The following RANBP17 variants were observed in gnomAD, a reference collection of about 807,000 sequenced individuals.
The protein encoded by RANBP17 is RAN binding protein 17.
Under a neutral mutation model 141.2 loss-of-function variants are expected in RANBP17, and 158 were observed. The observed-to-expected ratio is 1.12, with a 90% confidence interval of 0.98 to 1.28. The LOEUF (loss-of-function observed/expected upper bound fraction) is 1.28, where lower values mean the gene tolerates loss of function less well. RANBP17 is among the 50% of genes most tolerant of loss of function. The pLI, the probability that RANBP17 is intolerant of heterozygous loss-of-function variation, is 0.00. For missense variants in RANBP17, 1,438 were observed against 1,290.7 expected, an observed-to-expected ratio of 1.11 and a Z score of -1.75; for synonymous variants, 430 against 450.0, an observed-to-expected ratio of 0.96 and a Z score of 0.56.
chr5:171,162,575 A>G (rs775778342), intron 14 of RANBP17, among the ~76,000 whole-genome samples: 2 of 152,134 alleles, frequency 1.3e-5, no homozygotes, highest in African/African-American at 4.8e-5. Context: ...TGGTTTTCAC[A>G]TTATACCTGT....
intron 24 of RANBP17, chr5:171,252,758 T>C (rs1207255112): frequency 4.4e-6 from 6 of 1,351,698 alleles, no homozygotes; most frequent in Non-Finnish European, 6.4e-6. Flanking sequence ...ATTTGTAGAC[T>C]TGCTTCATAT....
chr5:171,193,764 C>T (rs1761801849), intron 18 of RANBP17, among the ~76,000 whole-genome samples: 2 of 152,138 alleles, frequency 1.3e-5, no homozygotes, highest in Admixed American at 6.5e-5. Context: ...CTTCTGCTTC[C>T]CTCTTGCACT....
At chr5:171,057,629 G>A (rs983264881) in intron 14 of RANBP17, among the ~76,000 whole-genome samples, 2 of 149,362 alleles carry the variant, frequency 1.3e-5, no homozygotes, top group Non-Finnish European at 3.0e-5. Context: ...GTTCTCAACT[G>A]TGAAGAAATA....
At chr5:171,051,019 G>A (rs1410636163) in intron 14 of RANBP17, among the ~76,000 whole-genome samples, 2 of 151,990 alleles carry the variant, frequency 1.3e-5, no homozygotes, top group African/African-American at 4.8e-5. Flanking sequence ...TATCTGACTG[G>A]GTGGTTTCTG....
At chr5:170,915,871 CAT>C (rs1315958913) in intron 8 of RANBP17, among the ~76,000 whole-genome samples, 5 of 151,892 alleles carry the variant, frequency 3.3e-5, no homozygotes, top group African/African-American at 1.2e-4. Context: ...AACTAGATAT[CAT>C]AAGCAATTGA....
intron 14 of RANBP17, among the ~76,000 whole-genome samples, chr5:171,014,606 A>G (rs899371025): frequency 6.6e-6 from 1 of 151,942 alleles, no homozygotes; most frequent in Non-Finnish European, 1.5e-5. Context: ...ACCTTGTTCT[A>G]TTGTTGTCAT....
intron 14 of RANBP17, among the ~76,000 whole-genome samples, chr5:171,111,556 G>A (rs1755234107): frequency 1.3e-5 from 2 of 152,082 alleles, no homozygotes; most frequent in Admixed American, 6.6e-5. Flanking sequence ...CTTTCAGTGA[G>A]CCCCATTTCT....
chr5:170,896,256 C>G (rs572044609), intron 5 of RANBP17, 141 bp downstream of exon 5: 10 of 588,146 alleles, frequency 1.7e-5, no homozygotes, highest in South Asian at 4.7e-5. Context: ...GTGTGTGTAT[C>G]TGTTTTATTG....
At chr5:171,053,422 G>A (rs975899634) in intron 14 of RANBP17, among the ~76,000 whole-genome samples, 8 of 151,886 alleles carry the variant, frequency 5.3e-5, no homozygotes, top group African/African-American at 9.7e-5. Flanking sequence ...AATTTTCATT[G>A]TACAAATCTT....
chr5:171,050,112 T>C (rs2127650552), intron 14 of RANBP17, among the ~76,000 whole-genome samples: 1 of 152,330 alleles, frequency 6.6e-6, no homozygotes, highest in South Asian at 2.1e-4. Context: ...TGGAATGTTT[T>C]TCCTTTGTGT....
In RANBP17 at chr5:171,175,799, A is replaced by G. The variant is rs1760433209; in HGVS notation, c.1865+4513A>G. Among the ~76,000 whole-genome samples, 3 of 151,756 alleles carry G rather than the reference A, an allele frequency of 2.0e-5. No homozygotes were observed. In the South Asian group the frequency reaches 6.2e-4, roughly 32 times the overall value. On this transcript the variant is annotated intron_variant, in intron 16 of 27. Transcript: ENST00000523189. ...CCACATTCGTTTTTGAGTTTATCCA[A>G]ACTTTTTTTTTTTTTTACCTTATGG... is the stretch of plus-strand genomic sequence containing the variant.
intron 14 of RANBP17, among the ~76,000 whole-genome samples, chr5:171,088,330 T>A (rs895722345): frequency 6.6e-6 from 1 of 152,182 alleles, no homozygotes; most frequent in Non-Finnish European, 1.5e-5. Context: ...GCAGAGAGAT[T>A]CGCTGTTGGT....
chr5:171,012,275 T>C (rs1780111513), intron 14 of RANBP17, among the ~76,000 whole-genome samples: 1 of 152,094 alleles, frequency 6.6e-6, no homozygotes, highest in Non-Finnish European at 1.5e-5. Context: ...TAAGTTCATA[T>C]GGTTATCCTG....
chr5:171,245,324 AT>A (rs1300128151), intron 24 of RANBP17, among the ~76,000 whole-genome samples: 2 of 151,612 alleles, frequency 1.3e-5, no homozygotes, highest in Admixed American at 6.6e-5. Flanking sequence ...TTTGGTTTTT[AT>A]TTTTTGGAGA....
At chr5:171,142,551 G>A (rs146697060) in intron 14 of RANBP17, among the ~76,000 whole-genome samples, 18 of 152,268 alleles carry the variant, frequency 1.2e-4, no homozygotes, top group African/African-American at 4.1e-4. Context: ...TATAATTCAA[G>A]TTTGGGATAT....
chr5:170,977,085 A>C (rs1378053329), intron 14 of RANBP17, among the ~76,000 whole-genome samples: 4 of 152,134 alleles, frequency 2.6e-5, no homozygotes, highest in Non-Finnish European at 5.9e-5. Flanking sequence ...ATATTTGCAT[A>C]TCATATATTT....
At chr5:171,062,801 C>G (rs1783990914) in intron 14 of RANBP17, among the ~76,000 whole-genome samples, 1 of 152,126 alleles carries the variant, frequency 6.6e-6, no homozygotes, top group African/African-American at 2.4e-5. Flanking sequence ...GTACACCAAT[C>G]AGACGTAGAT....
At chr5:170,905,688 G>C (rs1771020007) in intron 5 of RANBP17, among the ~76,000 whole-genome samples, 1 of 152,078 alleles carries the variant, frequency 6.6e-6, no homozygotes, top group Non-Finnish European at 1.5e-5. Context: ...CTCTAAATAT[G>C]TCTAAAGAAC....
chr5:170,922,688 G>C (rs1772568578), intron 11 of RANBP17, among the ~76,000 whole-genome samples: 1 of 152,132 alleles, frequency 6.6e-6, no homozygotes, highest in African/African-American at 2.4e-5. Flanking sequence ...CACAGCATTT[G>C]GTCAGAAGTG....
Sources: allele counts gnomAD v4.1 joint callset (sites outside exome capture counted in the v4.1 genomes callset), GRCh38; gene constraint gnomAD v4.1.1; transcripts MANE v1.5; gene names NCBI Gene and HGNC (gene_info 2026-07-23, HGNC 2026-07-21).